Variants in CACNG7 observed in about 807,000 individuals in gnomAD.
CACNG7 encodes the protein calcium voltage-gated channel auxiliary subunit gamma 7, also known as voltage-dependent calcium channel gamma-7 subunit.
Under a neutral mutation model 26.3 loss-of-function variants are expected in CACNG7, and 9 were observed. The observed-to-expected ratio is 0.34, with a 90% CI of 0.21 to 0.60. The LOEUF (loss-of-function observed/expected upper bound fraction) is 0.60, where lower values mean the gene tolerates loss of function less well. Ranked by LOEUF, CACNG7 falls within the 20% of genes least tolerant of loss-of-function variation. The probability of loss-of-function intolerance (pLI) is 0.81; values close to 1 mark genes in which losing one functional copy is unlikely to be tolerated. For synonymous variants in CACNG7, 170 were observed against 157.0 expected (o/e 1.08, Z -0.62); for missense variants, 297 against 380.4 (o/e 0.78, Z 1.82).
chr19:53,923,825 T>C (rs1280996902), intron 4 of CACNG7, among the ~76,000 whole-genome samples: 1,116 of 45,428 alleles, frequency 0.025, 34 homozygotes, highest in African/African-American at 0.1. Flanking sequence ...TTGCCCCAGG[T>C]CTGGTCATTG....
chr19:53,914,468 C>A, intron 2 of CACNG7, 32 bp from the exon 3 acceptor site: 3 of 1,597,082 alleles, frequency 1.9e-6, no homozygotes, highest in Non-Finnish European at 2.6e-6. Flanking sequence ...AGGAGCCTCT[C>A]ATCCAGCCCT....
intron 4 of CACNG7, among the ~76,000 whole-genome samples, chr19:53,919,806 A>C: frequency 7.9e-6 from 1 of 125,864 alleles, no homozygotes; most frequent in Non-Finnish European, 1.6e-5. Flanking sequence ...CAGGCCCGGT[A>C]TTGGTGGAGT....
At position 53,943,638 on chromosome 19, in the gene CACNG7, T is replaced by TG. The variant is rs1204039465; in HGVS notation, c.*1351dup. On this transcript the variant is annotated 3_prime_UTR_variant, in exon 6 of 6. Transcript: ENST00000391767. ...GCACTGGGGTGGGGACAGGGTGGGGTGGGGGGCCTGGCTCTGTTATTTACC... is the reference window on the plus strand; with the variant it reads ...GCACTGGGGTGGGGACAGGGTGGGGTGGGGGGGCCTGGCTCTGTTATTTACC... 1 of 21,854 alleles carries TG rather than the reference T, an allele frequency of 4.6e-5. No individual in the cohort carries two copies. The highest frequency in any genetic ancestry group is 1.9e-4 in the African/African-American group (1 of 5,298). The allele number at this position is 21,854 out of a possible 1,614,324, so 1.4% of individuals were successfully genotyped here.
At position 53,923,373 on chromosome 19, in the gene CACNG7, C is replaced by CATTGGTGGAGTTGTCCCCAGGTCTGGT. The variant is rs1568776238; in HGVS notation, c.424+7917_424+7943dup. On this transcript the variant is annotated intron_variant, in intron 4 of 5. Transcript: ENST00000391767. Reference sequence around the variant, plus strand: ...TTGGTGGAGTTGCCCCAGGTCTGGTCATTGGTGGAGTTGTCCCCAGGTCTG... The same window carrying CATTGGTGGAGTTGTCCCCAGGTCTGGT: ...TTGGTGGAGTTGCCCCAGGTCTGGTCATTGGTGGAGTTGTCCCCAGGTCTGGTATTGGTGGAGTTGTCCCCAGGTCTG... Among the ~76,000 whole-genome samples, 74 of 60,592 alleles carry CATTGGTGGAGTTGTCCCCAGGTCTGGT rather than the reference C, an allele frequency of 1.2e-3. 8 individuals are homozygous for CATTGGTGGAGTTGTCCCCAGGTCTGGT. Among genetic ancestry groups the CATTGGTGGAGTTGTCCCCAGGTCTGGT allele is most frequent in the African/African-American group, 7.0e-3 (62 of 8,820 alleles). The allele number at this position is 60,592 out of a possible 152,430, so 39.8% of individuals were successfully genotyped here. A position where few individuals can be genotyped will look rare whatever the true frequency, so the allele number is the denominator to read the frequency against.
intron 4 of CACNG7, among the ~76,000 whole-genome samples, chr19:53,924,335 G>GT (rs2069001886): frequency 7.2e-6 from 1 of 139,600 alleles, no homozygotes; most frequent in Admixed American, 7.3e-5. Context: ...TGGTGGACTT[G>GT]CCGCAGGTCT....
intron 4 of CACNG7, among the ~76,000 whole-genome samples, chr19:53,916,028 T>G (rs1425036375): frequency 6.6e-6 from 1 of 152,216 alleles, no homozygotes; most frequent in Non-Finnish European, 1.5e-5. Context: ...GGAACACCCA[T>G]GTAGCCACCA....
chr19:53,914,618 A>G (rs1406479519), intron 3 of CACNG7, 32 bp downstream of exon 3: 2 of 1,589,126 alleles, frequency 1.3e-6, no homozygotes, highest in Admixed American at 3.3e-5. Context: ...TAGGCACAAG[A>G]CAGCAAGATC....
At chr19:53,916,922 C>T (rs1386694632) in intron 4 of CACNG7, among the ~76,000 whole-genome samples, 8 of 152,028 alleles carry the variant, frequency 5.3e-5, no homozygotes, top group Admixed American at 3.3e-4. Flanking sequence ...CTCACCTTCC[C>T]GAATAGCTGG....
In CACNG7 at chr19:53,942,094, A is replaced by G. The variant is rs576059025; in HGVS notation, c.629A>G (p.Tyr210Cys). The change falls in exon 6 of 6, where the codon TAC (tyrosine) becomes TGC (cysteine). Residue 210 changes from tyrosine (Y) to cysteine (C), a missense_variant. Coordinates refer to ENST00000391767, the MANE Select transcript of CACNG7 (RefSeq NM_031896.5). This position sits in a 1 kb window ranked among gnomAD's most constrained non-coding sequence, Gnocchi z 5.9. ...FTKRYAEEEM[Y>C]RPHPAFYRPR... ...AAGCGCTACGCGGAGGAGGAGATGTACCGTCCACACCCGGCCTTCTACCGC... is the reference window on the plus strand; with the variant it reads ...AAGCGCTACGCGGAGGAGGAGATGTGCCGTCCACACCCGGCCTTCTACCGC... 4.3e-6 allele frequency: 7 copies of G among 1,613,708 alleles called. No individual in the cohort carries two copies. In the East Asian group the frequency reaches 1.3e-4, roughly 31 times the overall value.
chr19:53,920,700 T>A (rs141527334), intron 4 of CACNG7, among the ~76,000 whole-genome samples: 2 of 78,844 alleles, frequency 2.5e-5, no homozygotes, highest in South Asian at 4.3e-4. Context: ...GTGGACTTGC[T>A]CCAGGTCTGG....
At chr19:53,924,720 T>TC (rs2069008658) in intron 4 of CACNG7, among the ~76,000 whole-genome samples, 4 of 141,286 alleles carry the variant, frequency 2.8e-5, no homozygotes, top group African/African-American at 5.3e-5. Context: ...CCAGTTCTGG[T>TC]ATTGGTGGAG....
At chr19:53,914,660 A>G in intron 3 of CACNG7, 74 bp downstream of exon 3, 1 of 1,351,998 alleles carries the variant, frequency 7.4e-7, no homozygotes, top group Non-Finnish European at 1.1e-6. Context: ...GGGAGGGGGC[A>G]GGACTAGGGA....
At chr19:53,918,426 T>C (rs2068912182) in intron 4 of CACNG7, among the ~76,000 whole-genome samples, 1 of 152,128 alleles carries the variant, frequency 6.6e-6, no homozygotes, top group Admixed American at 6.6e-5. Context: ...CAAATTTGAG[T>C]TCAATGTAAT....
At chr19:53,933,486 GA>G (rs2069086778) in intron 4 of CACNG7, among the ~76,000 whole-genome samples, 1 of 151,400 alleles carries the variant, frequency 6.6e-6, no homozygotes, top group Non-Finnish European at 1.5e-5. Context: ...TTTTAGTAGA[GA>G]GGGGGTTTCA....
At chr19:53,922,010 GT>G (rs1175026170) in intron 4 of CACNG7, among the ~76,000 whole-genome samples, 16 of 74,140 alleles carry the variant, frequency 2.2e-4, no homozygotes, top group East Asian at 3.3e-4. Context: ...TGGTGGAGTT[GT>G]CCCCAGGTCT....
At chr19:53,930,438 T>C (rs2069064183) in intron 4 of CACNG7, among the ~76,000 whole-genome samples, 2 of 152,130 alleles carry the variant, frequency 1.3e-5, no homozygotes, top group Non-Finnish European at 2.9e-5. Context: ...AGTGGCTCAA[T>C]CTCAACTCAT....
At chr19:53,928,886 G>A (rs1012444664) in intron 4 of CACNG7, among the ~76,000 whole-genome samples, 3 of 151,926 alleles carry the variant, frequency 2.0e-5, no homozygotes, top group African/African-American at 4.8e-5. Flanking sequence ...TGAGGTTGGC[G>A]GATCACGAAG....
chr19:53,921,753 G>C, intron 4 of CACNG7, among the ~76,000 whole-genome samples: 1 of 100,120 alleles, frequency 1.0e-5, no homozygotes. Context: ...CCCAGGTCTG[G>C]TATTGGTGGA....
chr19:53,931,776 T>C (rs2069074219), intron 4 of CACNG7, among the ~76,000 whole-genome samples: 3 of 146,530 alleles, frequency 2.0e-5, no homozygotes, highest in Admixed American at 2.0e-4. Flanking sequence ...TTTTTTTTTT[T>C]TTTGAGATGG....
Sources: allele counts gnomAD v4.1 joint callset (sites outside exome capture counted in the v4.1 genomes callset), GRCh38; gene constraint gnomAD v4.1.1; non-coding constraint Gnocchi (gnomAD v3.1); transcripts MANE v1.5; gene names NCBI Gene and HGNC (gene_info 2026-07-23, HGNC 2026-07-21).